UGGT1: variants seen among roughly 807,000 people sequenced by gnomAD.
UGGT1 encodes UDP-glucose glycoprotein glucosyltransferase 1.
Under a neutral mutation model 203.9 loss-of-function variants are expected in UGGT1, and 107 were observed. The observed-to-expected ratio is 0.52, with a 90% CI of 0.45 to 0.62. UGGT1 has a LOEUF of 0.62. Among genes scored for constraint, UGGT1 ranks in the 20% least tolerant of loss-of-function variants. UGGT1 has a pLI of 0.00. For missense variants in UGGT1, 1,673 were observed against 1,867.2 expected, an observed-to-expected ratio of 0.90 and a Z score of 1.92; for synonymous variants, 628 against 653.5, an observed-to-expected ratio of 0.96 and a Z score of 0.59.
chr2:128,151,415 G>C lies in UGGT1; in HGVS notation c.2017-1369G>C, dbSNP rs1395534946. ...AAATTCCCCTCCTTGAACTCGATGG[G>C]CTTCTAATTGGAGTCAAGTAGATTT... On this transcript the variant is annotated intron_variant, in intron 18 of 40. Coordinates refer to ENST00000259253, the MANE Select transcript of UGGT1 (RefSeq NM_020120.4). The C allele has an allele frequency of 1.4e-5, 5 of 365,616 alleles. No individual in the cohort carries two copies. The Admixed American group carries it at 2.0e-4, about 15-fold the overall frequency. The allele number at this position is 365,616 out of a possible 1,614,324, so 22.6% of individuals were successfully genotyped here. A position where few individuals can be genotyped will look rare whatever the true frequency, so the allele number is the denominator to read the frequency against.
At chr2:128,152,998 G>C in intron 19 of UGGT1, 94 bp downstream of exon 19, 1 of 1,570,568 alleles carries the variant, frequency 6.4e-7, no homozygotes, top group Non-Finnish European at 8.6e-7. Flanking sequence ...ATTATCTTCT[G>C]CAGTGTTCAG....
intron 13 of UGGT1, among the ~76,000 whole-genome samples, chr2:128,132,381 C>G (rs1688921371): frequency 6.6e-6 from 1 of 152,116 alleles, no homozygotes; most frequent in African/African-American, 2.4e-5. Context: ...AACCCCACCT[C>G]TACTAAAAGT....
intron 8 of UGGT1, among the ~76,000 whole-genome samples, 165 bp from the exon 9 acceptor site, chr2:128,120,191 A>G (rs954392422): frequency 1.3e-5 from 2 of 151,812 alleles, no homozygotes; most frequent in Admixed American, 1.3e-4. Context: ...CTAATTTTCT[A>G]TTTTTTTTAA....
Position 128,195,196 on chromosome 2 carries a change from C to G in UGGT1, c.*5454C>G, listed in dbSNP as rs980401598. 6.6e-6 allele frequency: 1 copy of G among 152,226 alleles called. No individual in the cohort carries two copies. The highest frequency in any genetic ancestry group is 1.5e-5 in the Non-Finnish European group (1 of 68,056). 9.4% of individuals were successfully genotyped at this position (152,226 alleles called of 1,614,324 possible). ...AAAAGGTCCTCTCCTGAGTCTTTCC[C>G]AGATACCCAGCAGTGCAGAGGCTAG... is the stretch of plus-strand genomic sequence containing the variant. On this transcript the variant is annotated 3_prime_UTR_variant, in exon 41 of 41. Coordinates refer to ENST00000259253, the MANE Select transcript of UGGT1 (RefSeq NM_020120.4).
At chr2:128,145,554 T>C (rs192249846) in intron 17 of UGGT1, 4 of 386,664 alleles carry the variant, frequency 1.0e-5, no homozygotes, top group African/African-American at 4.2e-5. Flanking sequence ...ACACACGCAC[T>C]TCATAATTTG....
intron 16 of UGGT1, 132 bp downstream of exon 16, chr2:128,138,984 G>A (rs1355184122): frequency 8.7e-7 from 1 of 1,154,670 alleles, no homozygotes. Context: ...TAAAAGTCAT[G>A]TCTGCTGCAG....
rs1213610447 is a variant in UGGT1, at chr2:128,143,258, GC to G, written c.1851+34del. 34 of 1,609,488 alleles carry G rather than the reference GC, an allele frequency of 2.1e-5. No individual in the cohort carries two copies. The Admixed American group carries it at 5.5e-4, about 26-fold the overall frequency. ...ATTTCTTTGTGTTTCTTATTTGATTGCAACATTGTACTGTCCTTAACCCCGT... is the reference window on the plus strand; with the variant it reads ...ATTTCTTTGTGTTTCTTATTTGATTGAACATTGTACTGTCCTTAACCCCGT... On this transcript the variant is annotated intron_variant, in intron 17 of 40. Transcript: ENST00000259253.
rs1314133852 is a variant in UGGT1, at chr2:128,192,912, C to T, written c.*3170C>T. 1 of 151,892 alleles carries T rather than the reference C, an allele frequency of 6.6e-6. No individual in the cohort carries two copies. Among genetic ancestry groups the T allele is most frequent in the African/African-American group, 2.4e-5 (1 of 41,326 alleles). The allele number at this position is 151,892 out of a possible 1,614,324, so 9.4% of individuals were successfully genotyped here. A position where few individuals can be genotyped will look rare whatever the true frequency, so the allele number is the denominator to read the frequency against. Reference sequence around the variant, plus strand: ...AACAGTTTCCGGTCAGGCACAGTGGCTTACACCTGTAATCCCAGCACTTTG... The same window carrying T: ...AACAGTTTCCGGTCAGGCACAGTGGTTTACACCTGTAATCCCAGCACTTTG... On this transcript the variant is annotated 3_prime_UTR_variant, in exon 41 of 41. Coordinates refer to ENST00000259253, the MANE Select transcript of UGGT1 (RefSeq NM_020120.4).
At chr2:128,182,378 T>C (rs1691738270) in intron 37 of UGGT1, 88 bp downstream of exon 37, 8 of 1,424,784 alleles carry the variant, frequency 5.6e-6, no homozygotes, top group Non-Finnish European at 6.6e-6. Flanking sequence ...GGTAATACAT[T>C]GGTATGGTTG....
intron 3 of UGGT1, among the ~76,000 whole-genome samples, chr2:128,106,473 G>A (rs368624509): frequency 2.6e-5 from 4 of 152,232 alleles, no homozygotes; most frequent in East Asian, 3.9e-4. Flanking sequence ...CTAGTTTTAC[G>A]TAGAGGATGC....
At chr2:128,156,444 T>G (rs1225442309) in intron 21 of UGGT1, 29 bp downstream of exon 21, 1 of 1,537,564 alleles carries the variant, frequency 6.5e-7, no homozygotes, top group African/African-American at 1.4e-5. Context: ...ATGTTCTATT[T>G]CTTAATTTTC....
chr2:128,171,728 G>A (rs565798325), intron 28 of UGGT1, among the ~76,000 whole-genome samples: 58 of 152,178 alleles, frequency 3.8e-4, no homozygotes, highest in African/African-American at 1.3e-3. Flanking sequence ...GCCTGGTCTC[G>A]AACTCCTGAC....
At position 128,189,829 on chromosome 2, in the gene UGGT1, CTGATAAGCCGGCTGGGCAGGAG is replaced by C; in HGVS notation, c.*90_*111del. On this transcript the variant is annotated 3_prime_UTR_variant, in exon 41 of 41. Coordinates refer to ENST00000259253, the MANE Select transcript of UGGT1 (RefSeq NM_020120.4). ...TTTTTCTGATCTGTCTATACAACTG[CTGATAAGCCGGCTGGGCAGGAG>C]TGCCACACCTTTTGATTCTGAGCAT... 2 of 1,488,506 alleles carry C rather than the reference CTGATAAGCCGGCTGGGCAGGAG, an allele frequency of 1.3e-6. No individual in the cohort carries two copies. The highest frequency in any genetic ancestry group is 4.7e-5 in the East Asian group (2 of 42,906). The allele number at this position is 1,488,506 out of a possible 1,614,324, so 92.2% of individuals were successfully genotyped here.
In UGGT1 at chr2:128,131,233, C is replaced by CAA. The variant is rs59665322; in HGVS notation, c.1378-1883_1378-1882dup. On this transcript the variant is annotated intron_variant, in intron 13 of 40. Coordinates refer to ENST00000259253, the MANE Select transcript of UGGT1 (RefSeq NM_020120.4). The stretch of plus-strand genomic sequence containing the variant: ...GGGCGACAGAGTGAGACTCTTGTCT[C>CAA]AAAAAAAAAAAAAAAAAAAAAAAAA... 3.4e-3 allele frequency among the ~76,000 whole-genome samples: 267 copies of CAA among 78,532 alleles called. 2 individuals carry two copies. Among genetic ancestry groups the CAA allele is most frequent in the African/African-American group, 0.013 (246 of 19,312 alleles). The allele number at this position is 78,532 out of a possible 152,430, so 51.5% of individuals were successfully genotyped here.
chr2:128,160,560 A>T lies in UGGT1; in HGVS notation c.2663A>T (p.Lys888Met), dbSNP rs558443567. ...VYCRDVLKLK[K>M]GQRAVISNGR... is the part of the protein sequence containing the mutation. ...TGCAGGGATGTTCTGAAGCTGAAGA[A>T]GGGACAGAGGGCAGTGATCAGCAAT... The change falls in exon 24 of 41, where the codon AAG becomes ATG. Residue 888 changes from lysine (K) to methionine (M), a missense_variant. Lys to Met is a moderately conservative substitution (Grantham distance 95). Transcript: ENST00000259253. The T allele has an allele frequency of 6.2e-7, 1 of 1,613,324 alleles. No individual in the cohort carries two copies. The highest frequency in any genetic ancestry group is 2.2e-5 in the East Asian group (1 of 44,870).
intron 16 of UGGT1, among the ~76,000 whole-genome samples, chr2:128,142,580 A>C (rs1026777154): frequency 2.8e-5 from 4 of 140,968 alleles, no homozygotes; most frequent in Non-Finnish European, 6.3e-5. Flanking sequence ...GTGAGACTCC[A>C]TCTCAAAAAA....
intron 13 of UGGT1, 40 bp downstream of exon 13, chr2:128,129,219 A>G: frequency 6.4e-7 from 1 of 1,567,286 alleles, no homozygotes; most frequent in Non-Finnish European, 8.6e-7. Context: ...CTTTCTGACC[A>G]GGAATCTTTT....
At position 128,129,144 on chromosome 2, in the gene UGGT1, G is replaced by A. The variant is rs1255459249; in HGVS notation, c.1342G>A (p.Asp448Asn). 6.2e-7 allele frequency: 1 copy of A among 1,613,710 alleles called. No individual in the cohort carries two copies. The highest frequency in any genetic ancestry group is 8.5e-7 in the Non-Finnish European group (1 of 1,179,996). ...LKLNIQPSEA[D>N]YAVDIRSPAI... Reference sequence around the variant, plus strand: ...GCTGAACATCCAGCCCTCTGAGGCAGACTATGCCGTAGACATCCGGAGTCC... The same window carrying A: ...GCTGAACATCCAGCCCTCTGAGGCAAACTATGCCGTAGACATCCGGAGTCC... Residue 448 changes from aspartate (D) to asparagine (N), a missense_variant, in exon 13 of 41, where the codon GAC becomes AAC. Asp to Asn is a conservative substitution (Grantham distance 23). Around this residue, in one of 4 missense-constraint regions of UGGT1, gnomAD observed 1,073 missense variants for 1,078.7 expected, o/e 0.99. Coordinates refer to ENST00000259253, the MANE Select transcript of UGGT1 (RefSeq NM_020120.4).
At position 128,182,226 on chromosome 2, in the gene UGGT1, G is replaced by A. The variant is rs1691727317; in HGVS notation, c.4180G>A (p.Gly1394Ser). The change falls in exon 37 of 41, where the codon GGC (glycine) becomes AGC (serine). Residue 1394 changes from glycine to serine, a missense_variant. This residue lies in a region of UGGT1 where 513 missense variants were observed against 684.1 expected (regional missense o/e 0.75). Transcript: ENST00000259253. ...CTGTGACAGCCGAAGAGAAATGGAC[G>A]GCTACAGGTTCTGGAAGTCAGGGTA... ...PFCDSRREMD[G>S]YRFWKSGYWA... The A allele has an allele frequency of 3.7e-6, 6 of 1,614,026 alleles. No homozygotes were observed. Among genetic ancestry groups the A allele is most frequent in the Admixed American group, 3.3e-5 (2 of 60,000 alleles).
Sources: gnomAD v4.1 joint callset for allele counts (sites outside exome capture counted in the v4.1 genomes callset) on GRCh38, gnomAD v4.1.1 for gene constraint, gnomAD v4.1.1 regional missense constraint, MANE v1.5 for transcripts, NCBI Gene and HGNC (gene_info 2026-07-23, HGNC 2026-07-21) for gene names.